The following PDE1A variants were observed in gnomAD, a reference collection of about 807,000 sequenced individuals.
The protein encoded by PDE1A is phosphodiesterase 1A, also known as dual specificity calcium/calmodulin-dependent 3',5'-cyclic nucleotide phosphodiesterase 1A.
Under a neutral mutation model 61.7 loss-of-function variants are expected in PDE1A, and 35 were observed. The observed-to-expected ratio is 0.57, with a 90% CI of 0.43 to 0.75. The LOEUF (loss-of-function observed/expected upper bound fraction) is 0.75. PDE1A is among the 30% of genes least tolerant of loss of function. PDE1A has a pLI of 0.00. For synonymous variants in PDE1A, 232 were observed against 213.2 expected (o/e 1.09, Z -0.77); for missense variants, 597 against 630.6 (o/e 0.95, Z 0.57).
chr2:182,591,634 C>T, the PDE1A span, among the ~76,000 whole-genome samples: 26 of 152,182 alleles, frequency 1.7e-4, no homozygotes, highest in South Asian at 6.2e-4. Context: ...TCCACAACGC[C>T]CTGGGTATCT....
chr2:182,676,014 T>C, the PDE1A span, among the ~76,000 whole-genome samples: 4 of 152,330 alleles, frequency 2.6e-5, no homozygotes, highest in East Asian at 5.8e-4. Flanking sequence ...ATCTTTCTCA[T>C]GAAATCTGTG....
intron 1 of PDE1A, among the ~76,000 whole-genome samples, chr2:182,264,639 T>C (rs1475388623): frequency 2.6e-5 from 4 of 151,632 alleles, no homozygotes; most frequent in Non-Finnish European, 4.4e-5. Flanking sequence ...ATTAGGAGTA[T>C]GGGTAGCTAG....
chr2:182,592,215 C>T, the PDE1A span, among the ~76,000 whole-genome samples: 3 of 152,284 alleles, frequency 2.0e-5, 1 homozygote, highest in East Asian at 3.9e-4. Context: ...AGCAATAATG[C>T]CAATAACTTA....
intron 2 of PDE1A, among the ~76,000 whole-genome samples, chr2:182,512,448 C>G (rs1299500088): frequency 6.6e-6 from 1 of 152,142 alleles, no homozygotes; most frequent in East Asian, 1.9e-4. Context: ...GCAAAAAGCC[C>G]CATCCAAAGG....
chr2:182,241,374 C>A (rs746676674), intron 2 of PDE1A, among the ~76,000 whole-genome samples: 1 of 152,198 alleles, frequency 6.6e-6, no homozygotes, highest in Non-Finnish European at 1.5e-5. Flanking sequence ...TTTTGAAAAT[C>A]TCTTTGCCCA....
intron 2 of PDE1A, among the ~76,000 whole-genome samples, chr2:182,246,547 G>GTA (rs998520576): frequency 2.0e-5 from 3 of 151,454 alleles, no homozygotes; most frequent in Non-Finnish European, 4.4e-5. Flanking sequence ...GGGATTACAG[G>GTA]CGTGCCACCA....
At chr2:182,538,883 G>A in the PDE1A span, among the ~76,000 whole-genome samples, 4 of 152,172 alleles carry the variant, frequency 2.6e-5, no homozygotes, top group East Asian at 1.9e-4. Flanking sequence ...AATGAGTTAC[G>A]GCCTGACCCA....
intron 10 of PDE1A, among the ~76,000 whole-genome samples, chr2:182,196,070 G>T (rs188872970): frequency 1.3e-5 from 2 of 152,012 alleles, no homozygotes; most frequent in Non-Finnish European, 2.9e-5. Context: ...CATTTTACCT[G>T]TTGGAATTAA....
intron 11 of PDE1A, 151 bp downstream of exon 11, chr2:182,188,828 C>G (rs1189057986): frequency 3.7e-6 from 2 of 534,148 alleles, no homozygotes; most frequent in African/African-American, 3.9e-5. Flanking sequence ...AAGTCTTATT[C>G]AGCACCACAT....
chr2:182,525,898 CAT>C (rs1395850540), upstream of PDE1A, among the ~76,000 whole-genome samples: 1 of 152,002 alleles, frequency 6.6e-6, no homozygotes, highest in East Asian at 1.9e-4. Context: ...AAAATAATTA[CAT>C]GAGTTAATAT....
chr2:182,382,621 T>C (rs1309960531), intron 1 of PDE1A, among the ~76,000 whole-genome samples: 1 of 152,206 alleles, frequency 6.6e-6, no homozygotes, highest in Non-Finnish European at 1.5e-5. Flanking sequence ...CATAAGCTAC[T>C]GTTTATAATA....
the PDE1A span, among the ~76,000 whole-genome samples, chr2:182,677,711 C>T: frequency 8.0e-4 from 122 of 152,204 alleles, 1 homozygote; most frequent in Non-Finnish European, 1.3e-3. Flanking sequence ...CCCATAAATA[C>T]GGCCACACAC....
At chr2:182,624,813 A>G in the PDE1A span, among the ~76,000 whole-genome samples, 2 of 152,186 alleles carry the variant, frequency 1.3e-5, no homozygotes, top group African/African-American at 2.4e-5. Flanking sequence ...TCCATGCCCC[A>G]GAGATTGAGA....
At chr2:182,622,987 T>C in the PDE1A span, among the ~76,000 whole-genome samples, 3 of 152,178 alleles carry the variant, frequency 2.0e-5, no homozygotes, top group East Asian at 1.9e-4. Context: ...AGGATATGGC[T>C]TAATTAACAA....
the PDE1A span, among the ~76,000 whole-genome samples, chr2:182,697,222 C>T: frequency 1.3e-5 from 2 of 152,236 alleles, no homozygotes; most frequent in South Asian, 4.2e-4. Context: ...CAGGAGCACT[C>T]AACGGCACAA....
intron 1 of PDE1A, 102 bp from the exon 2 acceptor site, chr2:182,264,516 T>C (rs1184766526): frequency 1.4e-6 from 1 of 712,212 alleles, no homozygotes; most frequent in Non-Finnish European, 2.3e-6. Context: ...ATTTTTAACA[T>C]AGCTATTTCT....
In PDE1A at chr2:182,403,984, AAAAAT is replaced by A. The variant is rs1457151034; in HGVS notation, c.53+22589_53+22593del. 2.5e-4 allele frequency among the ~76,000 whole-genome samples: 38 copies of A among 152,190 alleles called. 1 individual carries two copies. Among genetic ancestry groups the A allele is most frequent in the Admixed American group, 9.8e-4 (15 of 15,276 alleles). On this transcript the variant is annotated intron_variant, in intron 1 of 13. Coordinates refer to ENST00000351439, the Ensembl canonical transcript of PDE1A. The stretch of plus-strand genomic sequence containing the variant: ...GTACCCCAGAACTTAAAGTATAATA[AAAAAT>A]AAAATAAAATAAAAGGTCAGTTTAA...
the PDE1A span, among the ~76,000 whole-genome samples, chr2:182,647,671 C>T: frequency 7.9e-5 from 12 of 152,088 alleles, no homozygotes; most frequent in Admixed American, 7.9e-4. Context: ...GGTTCCAAAA[C>T]CTTTCATTAG....
At chr2:182,619,415 T>G in the PDE1A span, among the ~76,000 whole-genome samples, 1 of 152,070 alleles carries the variant, frequency 6.6e-6, no homozygotes, top group Non-Finnish European at 1.5e-5. Flanking sequence ...AGCAGAGGGC[T>G]GTGCAGCCAG....
Sources: gnomAD v4.1 joint callset for allele counts (sites outside exome capture counted in the v4.1 genomes callset) on GRCh38, gnomAD v4.1.1 for gene constraint, MANE v1.5 for transcripts, NCBI Gene and HGNC (gene_info 2026-07-23, HGNC 2026-07-21) for gene names.